CHODL: variants seen among roughly 807,000 people sequenced by gnomAD.
CHODL encodes transmembrane protein MT75.
A neutral mutation model predicts 34.5 loss-of-function variants in CHODL; 29 were observed. The observed-to-expected ratio is 0.84, with a 90% CI of 0.63 to 1.15. CHODL has a LOEUF of 1.15. Ranked by LOEUF, CHODL falls within the 50% of genes most tolerant of loss-of-function variation. The pLI, the probability that CHODL is intolerant of heterozygous loss-of-function variation, is 0.00. For synonymous variants in CHODL, 125 were observed against 116.1 expected (o/e 1.08, Z -0.49); for missense variants, 332 against 332.5 (o/e 1.00, Z 0.01).
chr21:17,989,580 G>C (rs562802775), intron 1 of CHODL, among the ~76,000 whole-genome samples: 1 of 152,152 alleles, frequency 6.6e-6, no homozygotes, highest in East Asian at 1.9e-4. Context: ...TAACCAAAAT[G>C]TAACAAAACA....
chr21:17,978,735 A>G (rs77231979), intron 1 of CHODL, among the ~76,000 whole-genome samples: 15 of 25,548 alleles, frequency 5.9e-4, no homozygotes, highest in Non-Finnish European at 9.3e-4. Context: ...AAAAAAAAGA[A>G]AAAAAAAAAA....
At chr21:17,992,727 T>TG (rs1310212322) in intron 1 of CHODL, among the ~76,000 whole-genome samples, 1 of 84,256 alleles carries the variant, frequency 1.2e-5, no homozygotes, top group African/African-American at 3.4e-5. Flanking sequence ...TGTTTTTTTT[T>TG]TTTTTTTTTT....
chr21:17,952,709 T>TTTTCTA (rs1226008241), intron 1 of CHODL, among the ~76,000 whole-genome samples: 6 of 152,220 alleles, frequency 3.9e-5, no homozygotes, highest in East Asian at 1.9e-4. Context: ...AATGTTCTTA[T>TTTTCTA]TTTCTATTTA....
intron 2 of CHODL, among the ~76,000 whole-genome samples, chr21:18,147,004 C>A (rs1342092108): frequency 1.3e-5 from 2 of 152,248 alleles, no homozygotes; most frequent in East Asian, 3.9e-4. Context: ...ATCCTTTTAG[C>A]TTTACCTTCT....
intron 2 of CHODL, among the ~76,000 whole-genome samples, chr21:18,130,403 TAAAAC>T (rs1473951172): frequency 6.6e-6 from 1 of 152,256 alleles, no homozygotes; most frequent in Non-Finnish European, 1.5e-5. Context: ...TGTGCATAGT[TAAAAC>T]AATTCTTGGC....
At chr21:17,974,917 C>G (rs2063648657) in intron 1 of CHODL, among the ~76,000 whole-genome samples, 3 of 148,026 alleles carry the variant, frequency 2.0e-5, no homozygotes. Flanking sequence ...TCAAAATGTA[C>G]TTTATATATA....
intron 2 of CHODL, among the ~76,000 whole-genome samples, chr21:18,137,549 T>C (rs568766839): frequency 6.6e-6 from 1 of 152,310 alleles, no homozygotes; most frequent in African/African-American, 2.4e-5. Context: ...CCAGATTCTT[T>C]AGTCTGCAGA....
At chr21:18,065,473 CAT>C (rs1439990864) in intron 2 of CHODL, among the ~76,000 whole-genome samples, 1 of 152,136 alleles carries the variant, frequency 6.6e-6, no homozygotes, top group Non-Finnish European at 1.5e-5. Flanking sequence ...GAGAATACTA[CAT>C]GTGTTTGAAT....
intron 2 of CHODL, among the ~76,000 whole-genome samples, chr21:18,219,844 T>C (rs997057899): frequency 7.2e-5 from 11 of 152,136 alleles, no homozygotes; most frequent in African/African-American, 2.4e-4. Context: ...CCCTGTCAAA[T>C]AGATAGTTTG....
In CHODL at chr21:18,193,714, AAT is replaced by A. The variant is rs1568931431; in HGVS notation, c.-44-62793_-44-62792del. 1.6e-4 allele frequency among the ~76,000 whole-genome samples: 23 copies of A among 140,840 alleles called. No individual in the cohort carries two copies. The East Asian group carries it at 4.2e-3, about 25-fold the overall frequency. 92.4% of individuals were successfully genotyped at this position (140,840 alleles called of 152,430 possible). ...CTGTCTCAGAAAAAAAAAAAAATAA[AAT>A]AAATAAATAAATAAATAAATAAATA... On this transcript the variant is annotated intron_variant, in intron 2 of 6. Coordinates refer to the CHODL transcript ENST00000400127.
chr21:18,028,256 T>G, intron 2 of CHODL, among the ~76,000 whole-genome samples: 1 of 71,676 alleles, frequency 1.4e-5, no homozygotes, highest in South Asian at 5.7e-4. Context: ...CCTTTTCCTT[T>G]TCTTTTTCTT....
At chr21:17,944,710 G>A (rs2063391692) in intron 1 of CHODL, among the ~76,000 whole-genome samples, 1 of 152,186 alleles carries the variant, frequency 6.6e-6, no homozygotes, top group Non-Finnish European at 1.5e-5. Flanking sequence ...CAATGGCAGT[G>A]GCCCAGCCAG....
intron 2 of CHODL, among the ~76,000 whole-genome samples, chr21:18,186,425 A>G (rs1052830493): frequency 1.3e-5 from 2 of 151,950 alleles, no homozygotes; most frequent in African/African-American, 4.8e-5. Flanking sequence ...AAAAAAAGTC[A>G]TGTTCACTGC....
At chr21:18,251,270 A>ATAGGAGTGT in intron 1 of CHODL, among the ~76,000 whole-genome samples, 1 of 150,574 alleles carries the variant, frequency 6.6e-6, no homozygotes, top group South Asian at 2.1e-4. Flanking sequence ...TGTGACAGTG[A>ATAGGAGTGT]TAGGAGTGTT....
intron 2 of CHODL, among the ~76,000 whole-genome samples, chr21:18,199,508 A>G (rs1188722887): frequency 1.3e-5 from 2 of 152,122 alleles, no homozygotes; most frequent in African/African-American, 2.4e-5. Flanking sequence ...AGCTGATGTC[A>G]GGATTCACTC....
rs187470097 is a variant in CHODL, at chr21:18,044,896, G to A, written c.-45+16925G>A. Among the ~76,000 whole-genome samples the A allele has an allele frequency of 2.4e-3, 367 of 152,048 alleles. 1 individual carries two copies. Among genetic ancestry groups the A allele is most frequent in the Non-Finnish European group, 3.8e-3 (260 of 67,908 alleles). Reference sequence around the variant, plus strand: ...AATATGTACTGAGCAGCTATTTCCAGCAGGGCACTGTGCGAGGTGCTGGGA... The same window carrying A: ...AATATGTACTGAGCAGCTATTTCCAACAGGGCACTGTGCGAGGTGCTGGGA... On this transcript the variant is annotated intron_variant, in intron 2 of 6. Coordinates refer to the CHODL transcript ENST00000400127.
intron 1 of CHODL, among the ~76,000 whole-genome samples, chr21:18,006,531 A>G (rs946563485): frequency 1.3e-5 from 2 of 152,150 alleles, no homozygotes; most frequent in Admixed American, 6.5e-5. Flanking sequence ...AAAGAAGAAA[A>G]CACAATTATC....
At chr21:18,243,199 A>T (rs971801585), upstream of CHODL, among the ~76,000 whole-genome samples, 2 of 152,214 alleles carry the variant, frequency 1.3e-5, no homozygotes, top group African/African-American at 2.4e-5. Context: ...TACAGCATTT[A>T]TACACAGAGT....
intron 1 of CHODL, among the ~76,000 whole-genome samples, chr21:17,968,683 G>C (rs1168125089): frequency 6.6e-6 from 1 of 152,100 alleles, no homozygotes; most frequent in Non-Finnish European, 1.5e-5. Flanking sequence ...CAATCACATG[G>C]TGGACACCTG....
Sources: allele counts gnomAD v4.1 joint callset (sites outside exome capture counted in the v4.1 genomes callset), GRCh38; gene constraint gnomAD v4.1.1; transcripts MANE v1.5; gene names NCBI Gene and HGNC (gene_info 2026-07-23, HGNC 2026-07-21).